The following KLHL4 variants were observed in gnomAD, a reference collection of about 807,000 sequenced individuals.
The protein encoded by KLHL4 is kelch-like protein 4.
A neutral mutation model predicts 45.8 loss-of-function variants in KLHL4; 17 were observed. The ratio of observed to expected loss-of-function variants is 0.37; its 90% CI spans 0.25 to 0.56. The LOEUF (loss-of-function observed/expected upper bound fraction) is 0.56. Ranked by LOEUF, KLHL4 falls within the 20% of genes least tolerant of loss-of-function variation. KLHL4 has a pLI of 0.79. For synonymous variants in KLHL4, 224 were observed against 189.9 expected (o/e 1.18, Z -1.47); for missense variants, 544 against 544.9 (o/e 1.00, Z 0.02).
At chrX:87,654,285 C>A (rs1411743072) in intron 9 of KLHL4, among the ~76,000 whole-genome samples, 1 of 111,109 alleles carries the variant, frequency 9.0e-6, no homozygotes, top group Non-Finnish European at 1.9e-5. Flanking sequence ...TTTTTCATTT[C>A]TCACCACCCT....
chrX:87,559,451 G>A (rs1932049678), intron 1 of KLHL4, among the ~76,000 whole-genome samples: 1 of 111,657 alleles, frequency 9.0e-6, no homozygotes, highest in African/African-American at 3.3e-5. Flanking sequence ...TCACTTTACA[G>A]CAGTGTTTTG....
At chrX:87,542,629 C>T (rs937537894) in intron 1 of KLHL4, among the ~76,000 whole-genome samples, 2 of 112,456 alleles carry the variant, frequency 1.8e-5, no homozygotes, top group African/African-American at 6.5e-5. Context: ...TTTGTTTTGG[C>T]CAATTTCTTC....
Position 87,632,296 on chromosome X carries a change from G to A in KLHL4, c.1411G>A (p.Val471Ile). 8.3e-7 allele frequency: 1 copy of A among 1,208,675 alleles called. No homozygotes were observed. Among genetic ancestry groups the A allele is most frequent in the Non-Finnish European group, 1.1e-6 (1 of 892,831 alleles). The change falls in exon 7 of 11, where the codon GTC becomes ATC. Residue 471 changes from valine to isoleucine, a missense_variant. Physicochemically the swap from Val to Ile is conservative, Grantham distance 29. Transcript: ENST00000373119. The part of the protein sequence containing the change: ...TMNGRRLQFG[V>I]AVIDNKLYVV... Reference sequence around the variant, plus strand: ...GAATGGCCGTAGGCTTCAATTTGGAGTCGCAGTTATTGATAATAAGCTCTA... The same window carrying A: ...GAATGGCCGTAGGCTTCAATTTGGAATCGCAGTTATTGATAATAAGCTCTA...
intron 1 of KLHL4, among the ~76,000 whole-genome samples, chrX:87,574,513 C>T (rs1378690739): frequency 8.9e-6 from 1 of 111,957 alleles, no homozygotes; most frequent in Non-Finnish European, 1.9e-5. Context: ...TTTTTCTAAA[C>T]ACTGTATTGA....
In KLHL4 at chrX:87,565,685, C is replaced by CAA. The variant is rs748577568; in HGVS notation, c.422+47397_422+47398dup. 1.8e-3 allele frequency among the ~76,000 whole-genome samples: 48 copies of CAA among 26,236 alleles called. 2 individuals are homozygous for CAA. The highest frequency in any genetic ancestry group is 2.7e-3 in the East Asian group (2 of 754). The allele number at this position is 26,236 out of a possible 115,157, so 22.8% of individuals were successfully genotyped here. ...AGGTTGCAGTGAGCCGTGATTGTGC[C>CAA]AAAAAAAAAAAAAAAAAAAAAAAAA... On this transcript the variant is annotated intron_variant, in intron 1 of 10. Transcript: ENST00000373119.
intron 9 of KLHL4, among the ~76,000 whole-genome samples, chrX:87,641,049 G>A (rs185992517): frequency 8.9e-6 from 1 of 112,217 alleles, no homozygotes; most frequent in African/African-American, 3.2e-5. Flanking sequence ...TGGTGGACGT[G>A]AGGCAGGAGA....
intron 1 of KLHL4, among the ~76,000 whole-genome samples, chrX:87,522,804 T>A (rs767082632): frequency 1.8e-3 from 206 of 112,291 alleles, no homozygotes; most frequent in African/African-American, 6.3e-3. Flanking sequence ...TTTTTAGAGA[T>A]GAAAGCTTTG....
chrX:87,595,934 G>T (rs1921827567), intron 1 of KLHL4, among the ~76,000 whole-genome samples: 1 of 111,634 alleles, frequency 9.0e-6, no homozygotes, highest in Non-Finnish European at 1.9e-5. Context: ...TGGAGGTGGG[G>T]CCTGTTGGGA....
intron 1 of KLHL4, among the ~76,000 whole-genome samples, chrX:87,530,276 T>C (rs754384393): frequency 9.0e-6 from 1 of 110,508 alleles, no homozygotes; most frequent in South Asian, 3.9e-4. Flanking sequence ...TAAGTCTTTT[T>C]TTTTTTATTA....
intron 10 of KLHL4, among the ~76,000 whole-genome samples, chrX:87,665,173 G>A (rs1019721878): frequency 9.1e-6 from 1 of 110,315 alleles, no homozygotes; most frequent in Non-Finnish European, 1.9e-5. Flanking sequence ...ATATAAAAGG[G>A]GACAGACCAT....
chrX:87,542,985 G>C (rs1931595365), intron 1 of KLHL4, among the ~76,000 whole-genome samples: 1 of 111,211 alleles, frequency 9.0e-6, no homozygotes, highest in Non-Finnish European at 1.9e-5. Flanking sequence ...CATGGGGACA[G>C]TTTCCCCCAC....
chrX:87,642,365 C>T (rs1375095464), intron 9 of KLHL4, among the ~76,000 whole-genome samples: 1 of 111,663 alleles, frequency 9.0e-6, no homozygotes, highest in Non-Finnish European at 1.9e-5. Flanking sequence ...AAGGGAACAT[C>T]CTGTGGGACA....
chrX:87,614,092 A>C, intron 2 of KLHL4, 48 bp downstream of exon 2: 1 of 858,663 alleles, frequency 1.2e-6, no homozygotes, highest in Non-Finnish European at 1.7e-6. Flanking sequence ...GGCAATTATA[A>C]ATAAGAGATA....
In KLHL4 at chrX:87,640,793, C is replaced by T. The variant is rs140508243; in HGVS notation, c.1925+5018C>T. The stretch of plus-strand genomic sequence containing the variant: ...GAGAACTGGAAGAAGACAATGATGC[C>T]CACTTTCACAACTTCTATTCAACAT... On this transcript the variant is annotated intron_variant, in intron 9 of 10. Transcript: ENST00000373119. Among the ~76,000 whole-genome samples, 264 of 111,184 alleles carry T rather than the reference C, an allele frequency of 2.4e-3. 1 individual carries two copies. Among genetic ancestry groups the T allele is most frequent in the Non-Finnish European group, 4.3e-3 (226 of 53,031 alleles).
Position 87,614,509 on chromosome X carries a change from G to T in KLHL4, c.666G>T (p.Glu222Asp). The change falls in exon 3 of 11, where the codon GAG (glutamate) becomes GAT (aspartate). Residue 222 changes from glutamate to aspartate, a missense_variant. Transcript: ENST00000373119. The stretch of plus-strand genomic sequence containing the variant: ...ATGTGCTTGAAGCCAAACAAGAAGA[G>T]GTCAGGATGGAAGGAGTAGATCCAA... ...TNDVLEAKQEEVRMEGVDPNA... is the reference protein window; with the variant it reads ...TNDVLEAKQEDVRMEGVDPNA... 1 of 1,208,821 alleles carries T rather than the reference G, an allele frequency of 8.3e-7. No individual in the cohort carries two copies. Among genetic ancestry groups the T allele is most frequent in the South Asian group, 1.8e-5 (1 of 56,882 alleles).
intron 9 of KLHL4, among the ~76,000 whole-genome samples, chrX:87,645,983 C>A (rs768916943): frequency 9.0e-6 from 1 of 110,820 alleles, no homozygotes; most frequent in South Asian, 3.8e-4. Context: ...GCAACAGAAT[C>A]TCACAAATCA....
intron 1 of KLHL4, among the ~76,000 whole-genome samples, chrX:87,570,710 A>G (rs990480733): frequency 4.5e-5 from 5 of 110,833 alleles, no homozygotes; most frequent in African/African-American, 1.6e-4. Flanking sequence ...TTCCCAAAGG[A>G]AAGGGGAAGC....
chrX:87,644,126 T>C (rs1734691189), intron 9 of KLHL4, among the ~76,000 whole-genome samples: 1 of 111,175 alleles, frequency 9.0e-6, no homozygotes, highest in Non-Finnish European at 1.9e-5. Flanking sequence ...TGTTTGCTGA[T>C]GATATGATCG....
intron 1 of KLHL4, among the ~76,000 whole-genome samples, chrX:87,610,617 A>C (rs1922337662): frequency 8.9e-6 from 1 of 112,001 alleles, no homozygotes; most frequent in South Asian, 3.6e-4. Context: ...TTTACATATT[A>C]ATATATATGA....
Sources: allele counts gnomAD v4.1 joint callset (sites outside exome capture counted in the v4.1 genomes callset), GRCh38; gene constraint gnomAD v4.1.1; transcripts MANE v1.5; gene names NCBI Gene and HGNC (gene_info 2026-07-23, HGNC 2026-07-21).